ZNF565: variants seen among roughly 807,000 people sequenced by gnomAD.
The protein encoded by ZNF565 is zinc finger protein 565.
Under a neutral mutation model 39.4 loss-of-function variants are expected in ZNF565, and 27 were observed. The observed-to-expected ratio is 0.69, with a 90% CI of 0.51 to 0.95. The LOEUF is 0.95. ZNF565 is among the 40% of genes least tolerant of loss of function. The pLI is 0.00. For missense variants in ZNF565, 524 were observed against 621.1 expected, an observed-to-expected ratio of 0.84 and a Z score of 1.66; for synonymous variants, 185 against 216.6, an observed-to-expected ratio of 0.85 and a Z score of 1.28.
intron 1 of ZNF565, among the ~76,000 whole-genome samples, chr19:36,223,614 C>T (rs1184009007): frequency 6.6e-6 from 1 of 152,060 alleles, no homozygotes; most frequent in African/African-American, 2.4e-5. Flanking sequence ...CCGCCCGCCT[C>T]GGCCCTCCAA....
At chr19:36,240,051 TTC>T (rs923539796) in intron 1 of ZNF565, among the ~76,000 whole-genome samples, 3 of 152,198 alleles carry the variant, frequency 2.0e-5, no homozygotes, top group African/African-American at 7.2e-5. Context: ...CCCCATCTTT[TTC>T]TCTGTTTTCC....
At chr19:36,185,019 G>A (rs943093933) in intron 4 of ZNF565, among the ~76,000 whole-genome samples, 4 of 151,746 alleles carry the variant, frequency 2.6e-5, no homozygotes, top group Admixed American at 2.6e-4. Flanking sequence ...TTGGGAGACC[G>A]AGACACAAGA....
chr19:36,215,601 A>G (rs1053365038), upstream of ZNF565, among the ~76,000 whole-genome samples: 2 of 152,048 alleles, frequency 1.3e-5, no homozygotes, highest in Non-Finnish European at 2.9e-5. Flanking sequence ...TAATTTTAAA[A>G]CGAGTTTTTA....
intron 1 of ZNF565, among the ~76,000 whole-genome samples, chr19:36,239,531 C>G (rs1224043423): frequency 6.6e-6 from 1 of 152,028 alleles, no homozygotes; most frequent in Non-Finnish European, 1.5e-5. Flanking sequence ...CCGTATATTG[C>G]CCAGATTAGT....
chr19:36,243,705 CT>C (rs548767930), intron 1 of ZNF565, among the ~76,000 whole-genome samples: 1 of 151,290 alleles, frequency 6.6e-6, no homozygotes, highest in East Asian at 2.0e-4. Context: ...GAGAGGGGTT[CT>C]TTTTTTTAAT....
chr19:36,191,829 T>C (rs1175293507), intron 4 of ZNF565, among the ~76,000 whole-genome samples: 1 of 152,082 alleles, frequency 6.6e-6, no homozygotes, highest in Non-Finnish European at 1.5e-5. Context: ...TAATAACTGG[T>C]GCAGACAAGG....
chr19:36,225,326 T>C (rs1422226679), intron 1 of ZNF565, among the ~76,000 whole-genome samples: 3 of 152,210 alleles, frequency 2.0e-5, no homozygotes, highest in Non-Finnish European at 4.4e-5. Context: ...GGGACAAAAA[T>C]AAGATGTCTA....
intron 1 of ZNF565, chr19:36,203,478 A>G (rs931668685): frequency 2.0e-5 from 3 of 152,176 alleles, no homozygotes; most frequent in African/African-American, 7.2e-5. Context: ...TCTGCAGAAC[A>G]TCACTTCCCC....
At position 36,203,701 on chromosome 19, in the gene ZNF565, A is replaced by G. The variant is rs115142703; in HGVS notation, c.-65-1651T>C. Among the ~76,000 whole-genome samples, 403 of 152,116 alleles carry G rather than the reference A, an allele frequency of 2.6e-3. 3 individuals are homozygous for G. The highest frequency in any genetic ancestry group is 9.0e-3 in the African/African-American group (373 of 41,532). ...AGTGATTCTCCCGCCTCAACCTCAC[A>G]AGTAGCTAGGAGTACAGGCGCACAC... On this transcript the variant is annotated intron_variant, in intron 1 of 4. Coordinates refer to ENST00000304116, the MANE Select transcript of ZNF565 (RefSeq NM_152477.5).
chr19:36,239,709 T>G (rs938668686), intron 1 of ZNF565, among the ~76,000 whole-genome samples: 7 of 152,146 alleles, frequency 4.6e-5, no homozygotes, highest in African/African-American at 1.2e-4. Context: ...GTGTCTGTCT[T>G]AACCTGCGAG....
At chr19:36,223,572 C>T (rs1370414881) in intron 1 of ZNF565, among the ~76,000 whole-genome samples, 2 of 151,904 alleles carry the variant, frequency 1.3e-5, no homozygotes, top group South Asian at 2.1e-4. Flanking sequence ...ACCATGTTAG[C>T]CAGGATGGTC....
chr19:36,211,859 C>T (rs1894353427), intron 1 of ZNF565, among the ~76,000 whole-genome samples: 1 of 151,560 alleles, frequency 6.6e-6, no homozygotes, highest in Non-Finnish European at 1.5e-5. Flanking sequence ...AACCCCAAAA[C>T]CCCACCATTT....
At chr19:36,239,051 T>C (rs560707553) in intron 1 of ZNF565, among the ~76,000 whole-genome samples, 7 of 152,302 alleles carry the variant, frequency 4.6e-5, no homozygotes, top group African/African-American at 1.4e-4. Context: ...CCCATTCTTC[T>C]ACCCCCACAA....
intron 4 of ZNF565, among the ~76,000 whole-genome samples, chr19:36,193,916 C>T (rs946771679): frequency 2.6e-5 from 4 of 152,028 alleles, no homozygotes; most frequent in Admixed American, 2.0e-4. Flanking sequence ...GCATGGGTGA[C>T]AGAGTGAGAT....
Position 36,183,602 on chromosome 19 carries a change from C to T in ZNF565, c.364G>A (p.Glu122Lys), listed in dbSNP as rs767613413. 1.9e-5 allele frequency: 30 copies of T among 1,614,072 alleles called. No homozygotes were observed. The highest frequency in any genetic ancestry group is 5.0e-5 in the Admixed American group (3 of 59,966). The change falls in exon 5 of 5, where the codon GAA (glutamate) becomes AAA (lysine). Residue 122 changes from glutamate to lysine, a missense_variant. By Grantham distance (56) the Glu-to-Lys change is moderately conservative (BLOSUM62 1). Coordinates refer to ENST00000304116, the MANE Select transcript of ZNF565 (RefSeq NM_152477.5). Reference sequence around the variant, plus strand: ...TTGACTTGTCTCTCAAACTGGCCTTCGCATTCCCAGTCAGCTCTAAAATCG... The same window carrying T: ...TTGACTTGTCTCTCAAACTGGCCTTTGCATTCCCAGTCAGCTCTAAAATCG... ...GSDFRADWEC[E>K]GQFERQVNEE...
At chr19:36,221,927 CTTTT>C (rs60347994) in intron 1 of ZNF565, among the ~76,000 whole-genome samples, 15 of 109,890 alleles carry the variant, frequency 1.4e-4, no homozygotes, top group African/African-American at 3.9e-4. Flanking sequence ...TTTTTTCTTT[CTTTT>C]TTTTTTTTTT....
chr19:36,221,674 GA>G (rs1976844918), intron 1 of ZNF565, among the ~76,000 whole-genome samples: 1 of 152,108 alleles, frequency 6.6e-6, no homozygotes, highest in Non-Finnish European at 1.5e-5. Context: ...ATCTCACAGA[GA>G]TATCTCATTC....
intron 1 of ZNF565, among the ~76,000 whole-genome samples, chr19:36,202,840 C>T (rs1976013293): frequency 6.6e-6 from 1 of 152,190 alleles, no homozygotes. Context: ...CTACACCATG[C>T]ATACCATAGG....
intron 1 of ZNF565, among the ~76,000 whole-genome samples, chr19:36,224,824 C>T (rs566784442): frequency 5.5e-4 from 84 of 151,954 alleles, no homozygotes; most frequent in Non-Finnish European, 9.9e-4. Context: ...TTTTTGGGTC[C>T]TCTAGGGTGT....
Sources: allele counts gnomAD v4.1 joint callset (sites outside exome capture counted in the v4.1 genomes callset), GRCh38; gene constraint gnomAD v4.1.1; transcripts MANE v1.5; gene names NCBI Gene and HGNC (gene_info 2026-07-23, HGNC 2026-07-21).